The following MSANTD7 variants were observed in gnomAD, a reference collection of about 807,000 sequenced individuals.
MSANTD7 encodes the protein Myb/SANT DNA binding domain containing 7, also known as zinc finger and SCAN domain containing 29.
chr10:14,842,842 T>G, the MSANTD7 span: 1 of 1,528,270 alleles, frequency 6.5e-7, no homozygotes, highest in Non-Finnish European at 8.8e-7. The surrounding 1 kb of genome is among the most constrained non-coding windows in gnomAD (Gnocchi z 5.2). Flanking sequence ...AATCCTCGGG[T>G]GCAGGTAACT....
chr10:14,843,654 C>T, the MSANTD7 span: 44 of 1,549,360 alleles, frequency 2.8e-5, no homozygotes, highest in South Asian at 4.8e-5. Context: ...CTATCGCAGC[C>T]GAGTTGGCAG....
chr10:14,842,220 T>C, the MSANTD7 span: 1 of 1,535,576 alleles, frequency 6.5e-7, no homozygotes, highest in Non-Finnish European at 8.7e-7. The surrounding 1 kb of genome is among the most constrained non-coding windows in gnomAD (Gnocchi z 5.2). Context: ...ACACAGAGCT[T>C]CCCCACACCT....
the MSANTD7 span, chr10:14,844,808 A>T: frequency 3.0e-6 from 3 of 985,314 alleles, no homozygotes; most frequent in Non-Finnish European, 3.6e-6. Flanking sequence ...TGCCATTGGA[A>T]CATTGTGGAA....
the MSANTD7 span, chr10:14,838,603 G>C: frequency 1.3e-6 from 1 of 765,636 alleles, no homozygotes; most frequent in South Asian, 1.9e-5. Context: ...CCGGAGCGAA[G>C]GGCCGGGCAG....
At chr10:14,840,418 T>G in the MSANTD7 span, among the ~76,000 whole-genome samples, 1 of 152,200 alleles carries the variant, frequency 6.6e-6, no homozygotes, top group Admixed American at 6.5e-5. Flanking sequence ...TAATTTGGAT[T>G]GTTCACATTT....
chr10:14,842,726 GATC>G, the MSANTD7 span: 1 of 1,536,532 alleles, frequency 6.5e-7, no homozygotes, highest in East Asian at 2.4e-5. This position sits in a 1 kb window ranked among gnomAD's most constrained non-coding sequence, Gnocchi z 5.2. Context: ...TCAGGCAGCT[GATC>G]ATCAGCCTAT....
chr10:14,841,491 G>GT, the MSANTD7 span, among the ~76,000 whole-genome samples: 418 of 152,168 alleles, frequency 2.7e-3, 2 homozygotes, highest in African/African-American at 9.6e-3. Context: ...ACCTCTCCCC[G>GT]TGGTTATATC....
the MSANTD7 span, chr10:14,842,691 C>T: frequency 6.5e-7 from 1 of 1,536,298 alleles, no homozygotes; most frequent in South Asian, 1.2e-5. This position sits in a 1 kb window ranked among gnomAD's most constrained non-coding sequence, Gnocchi z 5.2. Flanking sequence ...GAAGAGGGAA[C>T]CGGCATTCTA....
the MSANTD7 span, chr10:14,844,570 GT>G: frequency 2.0e-6 from 2 of 985,358 alleles, no homozygotes; most frequent in Non-Finnish European, 2.4e-6. Context: ...AGTAAGCACT[GT>G]TTTGTCAAAC....
At chr10:14,845,910 A>AT in the MSANTD7 span, 2,139 of 557,506 alleles carry the variant, frequency 3.8e-3, no homozygotes, top group Non-Finnish European at 4.2e-3. Context: ...TTTGTATTAG[A>AT]TTTTTTTTTT....
the MSANTD7 span, among the ~76,000 whole-genome samples, chr10:14,838,739 C>G: frequency 2.0e-5 from 3 of 152,074 alleles, no homozygotes; most frequent in African/African-American, 4.8e-5. Flanking sequence ...GTCCCAGGGA[C>G]GACGTAGCTG....
chr10:14,838,575 C>T, the MSANTD7 span: 49 of 1,041,976 alleles, frequency 4.7e-5, no homozygotes, highest in Non-Finnish European at 6.5e-5. Flanking sequence ...CGTGGAGTGG[C>T]GTTGCCGCGA....
At chr10:14,846,611 A>G in the MSANTD7 span, 51 of 962,596 alleles carry the variant, frequency 5.3e-5, no homozygotes, top group Non-Finnish European at 6.2e-5. Flanking sequence ...CCAGCATTCC[A>G]TAACTCAGGT....
chr10:14,842,743 G>A, the MSANTD7 span: 2 of 1,536,552 alleles, frequency 1.3e-6, no homozygotes. This position sits in a 1 kb window ranked among gnomAD's most constrained non-coding sequence, Gnocchi z 5.2. Context: ...AGCCTATCTT[G>A]AAAACAGTTA....
the MSANTD7 span, chr10:14,846,420 C>A: frequency 6.1e-6 from 6 of 985,154 alleles, no homozygotes; most frequent in Non-Finnish European, 7.2e-6. Flanking sequence ...GGTAAAGTAA[C>A]CCTAATGTGG....
At chr10:14,846,234 G>T in the MSANTD7 span, 2 of 985,290 alleles carry the variant, frequency 2.0e-6, no homozygotes, top group Non-Finnish European at 2.4e-6. Flanking sequence ...TAGGTAGGTA[G>T]GTAGGTAGGT....
chr10:14,845,228 G>C, the MSANTD7 span: 272 of 985,078 alleles, frequency 2.8e-4, no homozygotes, highest in Non-Finnish European at 3.2e-4. Context: ...AAAGCTTTTA[G>C]TGATTTACTT....
At chr10:14,843,803 G>A in the MSANTD7 span, 23 of 1,536,254 alleles carry the variant, frequency 1.5e-5, no homozygotes, top group South Asian at 1.3e-4. Flanking sequence ...GCAGTCAGAC[G>A]TTTGGCAACA....
At chr10:14,839,268 C>T in the MSANTD7 span, among the ~76,000 whole-genome samples, 1 of 152,230 alleles carries the variant, frequency 6.6e-6, no homozygotes, top group African/African-American at 2.4e-5. Context: ...AATACTACTT[C>T]ATTTGTAGAA....
Sources: gnomAD v4.1 joint callset for allele counts (sites outside exome capture counted in the v4.1 genomes callset) on GRCh38, gnomAD v4.1.1 for gene constraint, Gnocchi (gnomAD v3.1) non-coding constraint, MANE v1.5 for transcripts, NCBI Gene and HGNC (gene_info 2026-07-23, HGNC 2026-07-21) for gene names.